DHRS3: variants seen among roughly 807,000 people sequenced by gnomAD.
DHRS3 encodes the protein short-chain dehydrogenase/reductase 3.
Under a neutral mutation model 27.2 loss-of-function variants are expected in DHRS3, and 14 were observed. The ratio of observed to expected loss-of-function variants is 0.52; its 90% CI spans 0.34 to 0.81. DHRS3 has a LOEUF of 0.81. Among genes scored for constraint, DHRS3 ranks in the 30% least tolerant of loss-of-function variants. The pLI, the probability that DHRS3 is intolerant of heterozygous loss-of-function variation, is 0.01. For synonymous variants in DHRS3, 165 were observed against 175.9 expected (o/e 0.94, Z 0.49); for missense variants, 322 against 406.2 (o/e 0.79, Z 1.78).
chr1:12,584,076 T>C (rs1646671325), intron 1 of DHRS3, among the ~76,000 whole-genome samples: 2 of 152,134 alleles, frequency 1.3e-5, no homozygotes, highest in South Asian at 4.1e-4. Context: ...CTCTGGCTCC[T>C]ATGTGTAACA....
chr1:12,585,211 A>AGCTCTGTGTGTCTCTGTGAGTGTGTG (rs1646684208), intron 1 of DHRS3, among the ~76,000 whole-genome samples: 2 of 140,178 alleles, frequency 1.4e-5, no homozygotes, highest in Non-Finnish European at 3.0e-5. Context: ...GTGTCTGTGT[A>AGCTCTGTGTGTCTCTGTGAGTGTGTG]TCTCTGTGTG....
chr1:12,585,241 G>GTA (rs1646685605), intron 1 of DHRS3, among the ~76,000 whole-genome samples: 5 of 139,606 alleles, frequency 3.6e-5, no homozygotes, highest in African/African-American at 1.7e-4. Flanking sequence ...ATGTGAGTGT[G>GTA]TGTCTCTGTG....
At chr1:12,581,968 C>T (rs769898680) in intron 1 of DHRS3, among the ~76,000 whole-genome samples, 11 of 152,146 alleles carry the variant, frequency 7.2e-5, no homozygotes, top group Admixed American at 1.3e-4. Context: ...GAAACCCCAA[C>T]GCGTGAAACC....
intron 1 of DHRS3, among the ~76,000 whole-genome samples, chr1:12,600,990 T>TG (rs920704831): frequency 8.7e-5 from 7 of 80,590 alleles, no homozygotes; most frequent in East Asian, 3.6e-4. Context: ...GGTGGGGGGT[T>TG]GGGGGGCGCG....
Position 12,592,258 on chromosome 1 carries a change from C to G in DHRS3, c.196-11592G>C, listed in dbSNP as rs1005321755. On this transcript the variant is annotated intron_variant, in intron 1 of 5. Transcript: ENST00000616661. This position sits in a 1 kb window ranked among gnomAD's most constrained non-coding sequence, Gnocchi z 4.2. Reference sequence around the variant, plus strand: ...GTGGTACAGTCGGCTGATTAGTGTCCCCTGAGAAGCTGAGTCCAAGTCCTA... The same window carrying G: ...GTGGTACAGTCGGCTGATTAGTGTCGCCTGAGAAGCTGAGTCCAAGTCCTA... 1.3e-5 allele frequency among the ~76,000 whole-genome samples: 2 copies of G among 152,142 alleles called. No homozygotes were observed. Among genetic ancestry groups the G allele is most frequent in the Non-Finnish European group, 2.9e-5 (2 of 68,026 alleles).
chr1:12,581,954 C>T (rs780031605), intron 1 of DHRS3, among the ~76,000 whole-genome samples: 2 of 152,158 alleles, frequency 1.3e-5, no homozygotes, highest in African/African-American at 2.4e-5. Flanking sequence ...AAATATCCAA[C>T]GTGGAAACCC....
At chr1:12,595,339 C>A (rs1646785945) in intron 1 of DHRS3, among the ~76,000 whole-genome samples, 2 of 151,922 alleles carry the variant, frequency 1.3e-5, no homozygotes, top group Admixed American at 1.3e-4. Flanking sequence ...AGCCGCCAAG[C>A]CTCAGCGGGT....
intron 4 of DHRS3, among the ~76,000 whole-genome samples, chr1:12,573,111 G>A (rs1470600861): frequency 6.6e-6 from 1 of 152,206 alleles, no homozygotes; most frequent in African/African-American, 2.4e-5. Context: ...AGCCCTCCAA[G>A]GGCTCCCAGT....
chr1:12,579,260 C>G (rs1290241630), intron 3 of DHRS3, 33 bp downstream of exon 3: 6 of 1,613,914 alleles, frequency 3.7e-6, no homozygotes, highest in Non-Finnish European at 5.1e-6. Flanking sequence ...CCCTGCACGC[C>G]CGGGGCTGGC....
At chr1:12,610,244 A>ATTTTTTT (rs113026130) in intron 1 of DHRS3, among the ~76,000 whole-genome samples, 1 of 142,502 alleles carries the variant, frequency 7.0e-6, no homozygotes, top group Non-Finnish European at 1.5e-5. Flanking sequence ...ATGCCCAGCA[A>ATTTTTTT]TTTTTTTTTT....
At chr1:12,590,318 C>A (rs746705762) in intron 1 of DHRS3, among the ~76,000 whole-genome samples, 1 of 152,114 alleles carries the variant, frequency 6.6e-6, no homozygotes, top group Non-Finnish European at 1.5e-5. Context: ...ATAGTCATTT[C>A]TTTTGCTTTG....
chr1:12,617,641 C>T lies in DHRS3; in HGVS notation c.-293G>A, dbSNP rs1646954320. The T allele has an allele frequency of 3.5e-6, 1 of 283,230 alleles. No individual in the cohort carries two copies. Among genetic ancestry groups the T allele is most frequent in the South Asian group, 1.4e-4 (1 of 7,018 alleles). The allele number at this position is 283,230 out of a possible 1,614,324, so 17.5% of individuals were successfully genotyped here. A position where few individuals can be genotyped will look rare whatever the true frequency, so the allele number is the denominator to read the frequency against. On this transcript the variant is annotated 5_prime_UTR_variant, in exon 1 of 6. Transcript: ENST00000616661. ...GGTGGAAAGTTCTAACAAGAAGTTT[C>T]TTGCCCCAGCAGCCGTTTCGGCTGG...
At chr1:12,604,304 G>T (rs916189651) in intron 1 of DHRS3, among the ~76,000 whole-genome samples, 2 of 152,172 alleles carry the variant, frequency 1.3e-5, no homozygotes, top group Non-Finnish European at 1.5e-5. Flanking sequence ...CTGCAGCTGG[G>T]TCTCTGCATG....
chr1:12,579,580 A>T (rs1347184928), intron 2 of DHRS3, among the ~76,000 whole-genome samples, 168 bp from the exon 3 acceptor site: 1 of 152,152 alleles, frequency 6.6e-6, no homozygotes, highest in Non-Finnish European at 1.5e-5. Context: ...GGTTCAAGCG[A>T]TTCTCATGCC....
rs1646772521 is a variant in DHRS3 at position 12,594,530 on chromosome 1, G to T, written c.196-13864C>A. On this transcript the variant is annotated intron_variant, in intron 1 of 5. Transcript: ENST00000616661. This position sits in a 1 kb window ranked among gnomAD's most constrained non-coding sequence, Gnocchi z 4.1. ...AGGGGGTTGGAGGGAGTGATTATGGGGTGGGAGTGGTATTCAGATGGTGGG... is the reference window on the plus strand; with the variant it reads ...AGGGGGTTGGAGGGAGTGATTATGGTGTGGGAGTGGTATTCAGATGGTGGG... Among the ~76,000 whole-genome samples, 2 of 152,168 alleles carry T rather than the reference G, an allele frequency of 1.3e-5. No homozygotes were observed. The highest frequency in any genetic ancestry group is 1.3e-4 in the Admixed American group (2 of 15,286).
intron 1 of DHRS3, among the ~76,000 whole-genome samples, 170 bp downstream of exon 1, chr1:12,616,984 C>T (rs1225453648): frequency 1.3e-5 from 2 of 152,224 alleles, no homozygotes; most frequent in African/African-American, 4.8e-5. Context: ...CAGTCCGGTG[C>T]CCGGGAAATT....
In DHRS3 at chr1:12,588,854, T is replaced by A. The variant is rs3121607; in HGVS notation, c.196-8188A>T. ...GCATCTGTTTATAATTGGCAGCCCC[T>A]GAAAGATCTGAGACCCTGGGCAGGT... On this transcript the variant is annotated intron_variant, in intron 1 of 5. Transcript: ENST00000616661. Among the ~76,000 whole-genome samples the A allele has an allele frequency of 5.9e-5, 9 of 152,208 alleles. No homozygotes were observed. The East Asian group carries it at 1.5e-3, about 26-fold the overall frequency.
rs374076989 is a variant in DHRS3 at position 12,591,633 on chromosome 1, C to T, written c.196-10967G>A. 5.2e-4 allele frequency among the ~76,000 whole-genome samples: 79 copies of T among 152,192 alleles called. 1 individual carries two copies. The highest frequency in any genetic ancestry group is 1.7e-3 in the African/African-American group (71 of 41,446). ...GGCCACACTGCCTCAGCATGGGTGC[C>T]GTGGGGCGTCTAGTCCTCTGTCAGC... On this transcript the variant is annotated intron_variant, in intron 1 of 5. Transcript: ENST00000616661. The surrounding 1 kb of genome is among the most constrained non-coding windows in gnomAD (Gnocchi z 4.1).
chr1:12,587,396 A>C (rs1301676571), intron 1 of DHRS3, among the ~76,000 whole-genome samples: 1 of 152,068 alleles, frequency 6.6e-6, no homozygotes. Flanking sequence ...CTCCCACCTC[A>C]GCCTCCCAAA....
Sources: allele counts gnomAD v4.1 joint callset (sites outside exome capture counted in the v4.1 genomes callset), GRCh38; gene constraint gnomAD v4.1.1; non-coding constraint Gnocchi (gnomAD v3.1); transcripts MANE v1.5; gene names NCBI Gene and HGNC (gene_info 2026-07-23, HGNC 2026-07-21).